Variants in TNKS2 observed in about 807,000 individuals in gnomAD.
TNKS2 encodes the protein tankyrase 2, also known as poly [ADP-ribose] polymerase tankyrase-2.
Under a neutral mutation model 137.6 loss-of-function variants are expected in TNKS2, and 72 were observed. That is an observed-to-expected ratio of 0.52 (90% CI 0.43 to 0.64). The LOEUF (loss-of-function observed/expected upper bound fraction) is 0.64. Among genes scored for constraint, TNKS2 ranks in the 30% least tolerant of loss-of-function variants. TNKS2 has a pLI of 0.00. For missense variants in TNKS2, 1,049 were observed against 1,410.2 expected (o/e 0.74, Z 4.10); for synonymous variants, 516 against 512.1 (o/e 1.01, Z -0.10).
chr10:91,840,576 C>G lies in TNKS2; in HGVS notation c.1543C>G (p.Gln515Glu), dbSNP rs370769267. Residue 515 changes from glutamine to glutamate, a missense_variant, in exon 14 of 27, where the codon CAG becomes GAG. Coordinates refer to ENST00000371627, the MANE Select transcript of TNKS2 (RefSeq NM_025235.4). ...TGTCCTTCAGAAACTGTGTACTGTTCAGAGTGTCAACTGCAGAGACATTGA... is the reference window on the plus strand; with the variant it reads ...TGTCCTTCAGAAACTGTGTACTGTTGAGAGTGTCAACTGCAGAGACATTGA... ...VETVKKLCTVQSVNCRDIEGR... is the reference protein window; with the variant it reads ...VETVKKLCTVESVNCRDIEGR... 4.3e-6 allele frequency: 7 copies of G among 1,613,828 alleles called. No homozygotes were observed. The highest frequency in any genetic ancestry group is 4.0e-5 in the African/African-American group (3 of 74,914).
rs868428050 is a variant in TNKS2 at position 91,798,824 on chromosome 10, C to T, written c.134C>T (p.Thr45Met). 4 of 1,350,762 alleles carry T rather than the reference C, an allele frequency of 3.0e-6. No individual in the cohort carries two copies. The highest frequency in any genetic ancestry group is 1.9e-5 in the South Asian group (1 of 52,710). 83.7% of individuals were successfully genotyped at this position (1,350,762 alleles called of 1,614,324 possible). ...GTGGAACGAGTCAAGAGGCTGGTGA[C>T]GCCTGAGAAGGTGAACAGCCGCGAC... Reference protein sequence around the residue: ...GDVERVKRLVTPEKVNSRDTA... With the variant: ...GDVERVKRLVMPEKVNSRDTA... The change falls in exon 1 of 27, where the codon ACG (threonine) becomes ATG (methionine). Residue 45 changes from threonine to methionine, a missense_variant. Thr to Met is a moderately conservative substitution (Grantham distance 81). Coordinates refer to ENST00000371627, the MANE Select transcript of TNKS2 (RefSeq NM_025235.4).
intron 13 of TNKS2, among the ~76,000 whole-genome samples, 189 bp from the exon 14 acceptor site, chr10:91,840,372 G>T (rs1324059801): frequency 6.6e-6 from 1 of 152,018 alleles, no homozygotes; most frequent in Admixed American, 6.6e-5. Flanking sequence ...AAAGGGCATG[G>T]ATGAGAGGAC....
At chr10:91,832,073 A>G (rs774420531) in intron 11 of TNKS2, among the ~76,000 whole-genome samples, 4 of 152,160 alleles carry the variant, frequency 2.6e-5, no homozygotes, top group East Asian at 1.9e-4. Flanking sequence ...GAGTTCTCCA[A>G]TTTCTTTTTG....
chr10:91,850,484 T>C (rs972402483), intron 20 of TNKS2, among the ~76,000 whole-genome samples: 5 of 149,956 alleles, frequency 3.3e-5, no homozygotes, highest in East Asian at 4.0e-4. Flanking sequence ...TTTGGGAGGC[T>C]GAGGCGGGTG....
intron 1 of TNKS2, among the ~76,000 whole-genome samples, chr10:91,807,673 A>T (rs1844370198): frequency 6.6e-6 from 1 of 152,232 alleles, no homozygotes; most frequent in Non-Finnish European, 1.5e-5. Context: ...ATTAAGATGC[A>T]CATGGCTCTT....
At chr10:91,847,788 G>A (rs2133664614) in intron 18 of TNKS2, among the ~76,000 whole-genome samples, 1 of 152,292 alleles carries the variant, frequency 6.6e-6, no homozygotes, top group African/African-American at 2.4e-5. Flanking sequence ...CTAAAGTTCT[G>A]TGTAGGTTGA....
At chr10:91,801,837 T>C (rs1165462693) in intron 1 of TNKS2, among the ~76,000 whole-genome samples, 1 of 152,306 alleles carries the variant, frequency 6.6e-6, no homozygotes, top group East Asian at 1.9e-4. Context: ...TGGCTGTTGC[T>C]CTAATTTTAC....
chr10:91,819,587 T>A, intron 5 of TNKS2, 30 bp downstream of exon 5: 1 of 1,486,380 alleles, frequency 6.7e-7, no homozygotes, highest in Non-Finnish European at 9.1e-7. Flanking sequence ...AGTTTGTGCT[T>A]ATCTCCTGGT....
chr10:91,813,321 A>G, intron 2 of TNKS2, 114 bp downstream of exon 2: 1 of 932,842 alleles, frequency 1.1e-6, no homozygotes, highest in Non-Finnish European at 1.6e-6. Context: ...ATATTTAAGA[A>G]CATCCCATGA....
intron 14 of TNKS2, among the ~76,000 whole-genome samples, 156 bp downstream of exon 14, chr10:91,840,862 T>C (rs1217331578): frequency 6.6e-6 from 1 of 152,264 alleles, no homozygotes; most frequent in African/African-American, 2.4e-5. Context: ...ATTAAGATTT[T>C]ATATGGTTAG....
At chr10:91,804,996 T>C (rs543503540) in intron 1 of TNKS2, among the ~76,000 whole-genome samples, 11 of 152,260 alleles carry the variant, frequency 7.2e-5, no homozygotes, top group Non-Finnish European at 1.3e-4. Context: ...ATTCCTGACC[T>C]CAGGTGATCC....
At chr10:91,848,691 A>AT (rs1826422937) in intron 19 of TNKS2, 56 bp downstream of exon 19, 3 of 1,578,490 alleles carry the variant, frequency 1.9e-6, no homozygotes, top group Middle Eastern at 3.7e-4. Flanking sequence ...CGTATTTGTC[A>AT]TTTGGGATGC....
intron 1 of TNKS2, 118 bp downstream of exon 1, chr10:91,799,007 G>C: frequency 8.0e-7 from 1 of 1,245,572 alleles, no homozygotes; most frequent in Non-Finnish European, 1.0e-6. Flanking sequence ...TCTGGTCCTG[G>C]TGATCTCGCT....
intron 24 of TNKS2, among the ~76,000 whole-genome samples, chr10:91,859,144 C>T (rs772199375): frequency 8.5e-5 from 13 of 152,168 alleles, no homozygotes; most frequent in Middle Eastern, 3.4e-3. Context: ...TTATGAGCCT[C>T]TTGGTTTTAG....
intron 3 of TNKS2, among the ~76,000 whole-genome samples, chr10:91,817,935 A>G (rs1844765138): frequency 6.6e-6 from 1 of 152,220 alleles, no homozygotes; most frequent in African/African-American, 2.4e-5. Context: ...GATGACTAGA[A>G]TCATACCTAA....
intron 25 of TNKS2, among the ~76,000 whole-genome samples, chr10:91,860,822 C>G (rs746217620): frequency 6.6e-6 from 1 of 152,132 alleles, no homozygotes; most frequent in Non-Finnish European, 1.5e-5. Flanking sequence ...TGACGTCCCA[C>G]TCACTTCTAT....
chr10:91,855,915 T>C lies in TNKS2; in HGVS notation c.2988+227T>C, dbSNP rs575827956. Among the ~76,000 whole-genome samples, 37 of 152,308 alleles carry C rather than the reference T, an allele frequency of 2.4e-4. 1 individual carries two copies. In the South Asian group the frequency reaches 7.5e-3, roughly 31 times the overall value. Reference sequence around the variant, plus strand: ...AATTCTTGTTGAACATATTCAAGTTTATGGGTTATGCTTTATCTTGGGGTA... The same window carrying C: ...AATTCTTGTTGAACATATTCAAGTTCATGGGTTATGCTTTATCTTGGGGTA... On this transcript the variant is annotated intron_variant, in intron 23 of 26. Coordinates refer to ENST00000371627, the MANE Select transcript of TNKS2 (RefSeq NM_025235.4).
At chr10:91,815,316 A>G (rs1844650112) in intron 2 of TNKS2, among the ~76,000 whole-genome samples, 1 of 152,214 alleles carries the variant, frequency 6.6e-6, no homozygotes, top group Non-Finnish European at 1.5e-5. Flanking sequence ...TCATTTATAA[A>G]GATGTGAAAT....
At chr10:91,847,762 C>T (rs571595944) in intron 18 of TNKS2, among the ~76,000 whole-genome samples, 1 of 152,302 alleles carries the variant, frequency 6.6e-6, no homozygotes, top group African/African-American at 2.4e-5. Context: ...CCAGGAAATA[C>T]AAACAATTCA....
Sources: allele counts gnomAD v4.1 joint callset (sites outside exome capture counted in the v4.1 genomes callset), GRCh38; gene constraint gnomAD v4.1.1; transcripts MANE v1.5; gene names NCBI Gene and HGNC (gene_info 2026-07-23, HGNC 2026-07-21).